Variants in SPOCD1 observed in about 807,000 individuals in gnomAD.
SPOCD1 encodes the protein SPOC domain containing 1.
SPOCD1 carries 64 observed loss-of-function variants against 92.2 expected under a neutral mutation model. The ratio of observed to expected loss-of-function variants is 0.69; its 90% CI spans 0.57 to 0.86. The LOEUF (loss-of-function observed/expected upper bound fraction) is 0.86, where lower values mean the gene tolerates loss of function less well. Ranked by LOEUF, SPOCD1 falls within the 40% of genes least tolerant of loss-of-function variation. The pLI, the probability that SPOCD1 is intolerant of heterozygous loss-of-function variation, is 0.00. For missense variants in SPOCD1, 1,360 were observed against 1,543.1 expected (o/e 0.88, Z 1.99); for synonymous variants, 578 against 619.3 (o/e 0.93, Z 0.99).
chr1:31,801,120 C>T (rs1385081085), intron 3 of SPOCD1, among the ~76,000 whole-genome samples: 3 of 152,216 alleles, frequency 2.0e-5, no homozygotes, highest in Non-Finnish European at 4.4e-5. Flanking sequence ...GGCTGCTGAT[C>T]ACTCCCCTAT....
chr1:31,790,736 C>G lies in SPOCD1; in HGVS notation c.3518G>C (p.Ser1173Thr). Residue 1173 changes from serine to threonine, a missense_variant, in exon 16 of 16, where the codon AGC becomes ACC. Coordinates refer to ENST00000360482, the MANE Select transcript of SPOCD1 (RefSeq NM_144569.7). ...ACGCTGCAGAGGGCGGGGGATGGAG[C>G]TCTTGGTCTGGGGGCACAGTAAGGC... is the stretch of plus-strand genomic sequence containing the variant. ...LQALLCPQTKSSIPRPLQRLS... is the reference protein window; with the variant it reads ...LQALLCPQTKTSIPRPLQRLS... The G allele has an allele frequency of 6.4e-7, 1 of 1,552,000 alleles. No individual in the cohort carries two copies.
rs949783349 is a variant in SPOCD1 at position 31,813,869 on chromosome 1, C to T, written c.1383+82G>A. 40 of 1,306,446 alleles carry T rather than the reference C, an allele frequency of 3.1e-5. No homozygotes were observed. The East Asian group carries it at 9.4e-4, about 31-fold the overall frequency. The allele number at this position is 1,306,446 out of a possible 1,614,324, so 80.9% of individuals were successfully genotyped here. On this transcript the variant is annotated intron_variant, in intron 2 of 15. Transcript: ENST00000360482. ...TTCATGAAGCGCCCATCTAGCTTAG[C>T]TTTATTAAATTCCACTGCCAAGTAT...
chr1:31,800,149 C>T lies in SPOCD1; in HGVS notation c.1603-8G>A, dbSNP rs1299074153. ...AGGAGAAGGCTGGAAAACCTTGGGG[C>T]AGGGAGCAGACAAGCTATTGGCCGG... On this transcript the variant is annotated splice_region_variant and splice_polypyrimidine_tract_variant and intron_variant, in intron 4 of 15. Coordinates refer to ENST00000360482, the MANE Select transcript of SPOCD1 (RefSeq NM_144569.7). The T allele has an allele frequency of 6.3e-7, 1 of 1,592,544 alleles. No individual in the cohort carries two copies. Among genetic ancestry groups the T allele is most frequent in the African/African-American group, 1.3e-5 (1 of 74,138 alleles).
chr1:31,799,516 G>C (rs948396700), intron 6 of SPOCD1, 31 bp from the exon 7 acceptor site: 2 of 1,577,952 alleles, frequency 1.3e-6, no homozygotes, highest in Non-Finnish European at 8.7e-7. Context: ...AGGCTCCCAG[G>C]GGTGCCCAGG....
At position 31,799,581 on chromosome 1, in the gene SPOCD1, G is replaced by T; in HGVS notation, c.1784-96C>A. On this transcript the variant is annotated intron_variant, in intron 6 of 15. Coordinates refer to ENST00000360482, the MANE Select transcript of SPOCD1 (RefSeq NM_144569.7). Reference sequence around the variant, plus strand: ...ATGGGTTTAGGCAGACAGGAGAGGGGTCCCACCCTCAAAGACCTAGACCCC... The same window carrying T: ...ATGGGTTTAGGCAGACAGGAGAGGGTTCCCACCCTCAAAGACCTAGACCCC... 3.3e-6 allele frequency: 4 copies of T among 1,224,452 alleles called. No homozygotes were observed. In the South Asian group the frequency reaches 3.9e-5, roughly 12 times the overall value. The allele number at this position is 1,224,452 out of a possible 1,614,324, so 75.8% of individuals were successfully genotyped here.
intron 2 of SPOCD1, among the ~76,000 whole-genome samples, chr1:31,808,291 G>A (rs1282317248): frequency 6.6e-6 from 1 of 151,422 alleles, no homozygotes; most frequent in Non-Finnish European, 1.5e-5. Flanking sequence ...ACCAAATTGG[G>A]TTTGTTCCAG....
intron 15 of SPOCD1, among the ~76,000 whole-genome samples, chr1:31,791,662 C>T (rs541119561): frequency 7.2e-5 from 11 of 152,188 alleles, no homozygotes; most frequent in Non-Finnish European, 1.3e-4. Context: ...GTGGCTGTGG[C>T]GAAACATCCC....
chr1:31,797,800 G>A (rs978304412), intron 9 of SPOCD1, among the ~76,000 whole-genome samples: 5 of 152,172 alleles, frequency 3.3e-5, no homozygotes, highest in African/African-American at 1.2e-4. Flanking sequence ...TGAACCCAGG[G>A]GCTATGGGGC....
At position 31,800,594 on chromosome 1, in the gene SPOCD1, C is replaced by A; in HGVS notation, c.1449G>T (p.Gln483His). ...GGCCGTGGCTGATGGCCCCCAGGAG[C>A]TGGATCACTGGCCCGGAACCCAGCT... ...VCYLGSGPVI[Q>H]LLGAISHGQA... is the part of the protein sequence containing the mutation. Residue 483 changes from glutamine (Q) to histidine (H), a missense_variant, in exon 4 of 16, where the codon CAG becomes CAT. Around this residue, in one of 3 missense-constraint regions of SPOCD1, gnomAD observed 606 missense variants for 601.5 expected, o/e 1.01. Coordinates refer to ENST00000360482, the MANE Select transcript of SPOCD1 (RefSeq NM_144569.7). 1.2e-6 allele frequency: 2 copies of A among 1,608,414 alleles called. No individual in the cohort carries two copies. The highest frequency in any genetic ancestry group is 1.7e-6 in the Non-Finnish European group (2 of 1,177,120).
chr1:31,791,585 A>T (rs1647594999), intron 15 of SPOCD1, among the ~76,000 whole-genome samples: 1 of 152,214 alleles, frequency 6.6e-6, no homozygotes, highest in African/African-American at 2.4e-5. Flanking sequence ...GCCCACTGCC[A>T]ACCTCGCTGC....
chr1:31,814,396 T>G lies in SPOCD1; in HGVS notation c.938A>C (p.Glu313Ala). The change falls in exon 2 of 16, where the codon GAG (glutamate) becomes GCG (alanine). Residue 313 changes from glutamate to alanine, a missense_variant. By Grantham distance (107) the Glu-to-Ala change is moderately radical. Around this residue, in one of 3 missense-constraint regions of SPOCD1, gnomAD observed 606 missense variants for 601.5 expected, o/e 1.01. Transcript: ENST00000360482. The surrounding 1 kb of genome is among the most constrained non-coding windows in gnomAD (Gnocchi z 4.2). ...AGCCTGTGCAGCTGAACTGAGGGAC[T>G]CCCCTCCACTGGGCACTGGGAACCC... Reference protein sequence around the residue: ...PVGFPVPSGGESLSSAAQAPP... With the variant: ...PVGFPVPSGGASLSSAAQAPP... The G allele has an allele frequency of 1.2e-6, 2 of 1,608,424 alleles. No individual in the cohort carries two copies. The highest frequency in any genetic ancestry group is 2.2e-5 in the South Asian group (2 of 90,346).
In SPOCD1 at chr1:31,790,503, G is replaced by A; in HGVS notation, c.*100C>T. The A allele has an allele frequency of 9.2e-7, 1 of 1,083,528 alleles. No individual in the cohort carries two copies. The highest frequency in any genetic ancestry group is 1.3e-6 in the Non-Finnish European group (1 of 756,658). 67.1% of individuals were successfully genotyped at this position (1,083,528 alleles called of 1,614,324 possible). ...CAGGAAGTTCAAACAGGGCAGGTGGGTAGGGCTGACCATCCTCTCCTTGCA... is the reference window on the plus strand; with the variant it reads ...CAGGAAGTTCAAACAGGGCAGGTGGATAGGGCTGACCATCCTCTCCTTGCA... On this transcript the variant is annotated 3_prime_UTR_variant, in exon 16 of 16. Coordinates refer to ENST00000360482, the MANE Select transcript of SPOCD1 (RefSeq NM_144569.7).
At position 31,792,232 on chromosome 1, in the gene SPOCD1, C is replaced by T. The variant is rs150345186; in HGVS notation, c.2945G>A (p.Arg982His). 3.2e-4 allele frequency: 520 copies of T among 1,606,974 alleles called. No individual in the cohort carries two copies. Among genetic ancestry groups the T allele is most frequent in the Non-Finnish European group, 4.1e-4 (482 of 1,176,836 alleles). The change falls in exon 15 of 16, where the codon CGC becomes CAC. Residue 982 changes from arginine to histidine, a missense_variant. Arg to His is a conservative substitution (Grantham distance 29). Coordinates refer to ENST00000360482, the MANE Select transcript of SPOCD1 (RefSeq NM_144569.7). ...PAFQPLPTRLRPLGGPGLWAL... is the reference protein window; with the variant it reads ...PAFQPLPTRLHPLGGPGLWAL... ...GCACTCACCTGGGCCCCCCAAAGGG[C>T]GCAGCCTGGTGGGCAGGGGCTGGAA...
At chr1:31,800,661 T>G in intron 3 of SPOCD1, 44 bp from the exon 4 acceptor site, 1 of 1,518,232 alleles carries the variant, frequency 6.6e-7, no homozygotes, top group East Asian at 2.4e-5. Context: ...GGCCAGCCGC[T>G]GTCCCCGCCT....
chr1:31,803,259 CA>C (rs1354845221), intron 2 of SPOCD1, among the ~76,000 whole-genome samples: 3 of 151,942 alleles, frequency 2.0e-5, no homozygotes, highest in Admixed American at 1.3e-4. Flanking sequence ...AAAAAAACTA[CA>C]AAAAACAACC....
chr1:31,796,541 A>AC (rs769107816), intron 10 of SPOCD1, 49 bp downstream of exon 10: 6 of 1,614,012 alleles, frequency 3.7e-6, no homozygotes, highest in Middle Eastern at 1.7e-4. Flanking sequence ...GAGGCGTGGG[A>AC]CCCCCAGGCA....
intron 2 of SPOCD1, among the ~76,000 whole-genome samples, chr1:31,808,453 AATAATT>A (rs1310479335): frequency 2.0e-5 from 3 of 150,626 alleles, no homozygotes; most frequent in African/African-American, 4.9e-5. Flanking sequence ...GTGCAATAAT[AATAATT>A]ATAATAATTG....
intron 3 of SPOCD1, among the ~76,000 whole-genome samples, chr1:31,801,106 G>A (rs1031594831): frequency 6.6e-6 from 1 of 152,176 alleles, no homozygotes; most frequent in Non-Finnish European, 1.5e-5. Context: ...CTTACACTCT[G>A]TAAGGCTGCT....
chr1:31,790,496 C>A lies in SPOCD1; in HGVS notation c.*107G>T, dbSNP rs1355092922. On this transcript the variant is annotated 3_prime_UTR_variant, in exon 16 of 16. Coordinates refer to ENST00000360482, the MANE Select transcript of SPOCD1 (RefSeq NM_144569.7). ...TGTCAAACAGGAAGTTCAAACAGGGCAGGTGGGTAGGGCTGACCATCCTCT... is the reference window on the plus strand; with the variant it reads ...TGTCAAACAGGAAGTTCAAACAGGGAAGGTGGGTAGGGCTGACCATCCTCT... The A allele has an allele frequency of 5.1e-6, 5 of 984,224 alleles. No homozygotes were observed. Among genetic ancestry groups the A allele is most frequent in the East Asian group, 2.7e-5 (1 of 37,080 alleles). 61.0% of individuals were successfully genotyped at this position (984,224 alleles called of 1,614,324 possible).
Sources: gnomAD v4.1 joint callset for allele counts (sites outside exome capture counted in the v4.1 genomes callset) on GRCh38, gnomAD v4.1.1 for gene constraint, gnomAD v4.1.1 regional missense constraint, Gnocchi (gnomAD v3.1) non-coding constraint, MANE v1.5 for transcripts, NCBI Gene and HGNC (gene_info 2026-07-23, HGNC 2026-07-21) for gene names.